The following DLC1 variants were observed in gnomAD, a reference collection of about 807,000 sequenced individuals.
DLC1 encodes the protein DLC1 Rho GTPase activating protein, also known as rho GTPase-activating protein 7.
In DLC1, 54 loss-of-function variants were observed where a neutral mutation model predicts 140.3. The observed-to-expected ratio is 0.38, with a 90% CI of 0.31 to 0.48. DLC1 has a LOEUF of 0.48. Ranked by LOEUF, DLC1 falls within the 20% of genes least tolerant of loss-of-function variation. The probability of loss-of-function intolerance (pLI) is 0.96; values close to 1 mark genes in which losing one functional copy is unlikely to be tolerated. For missense variants in DLC1, 2,536 were observed against 1,907.0 expected (o/e 1.33, Z -6.14); for synonymous variants, 986 against 728.1 (o/e 1.35, Z -5.70).
At chr8:13,412,489 C>G (rs1451690472) in intron 2 of DLC1, among the ~76,000 whole-genome samples, 3 of 151,964 alleles carry the variant, frequency 2.0e-5, no homozygotes, top group Non-Finnish European at 4.4e-5. Context: ...AGCCAAAGAA[C>G]TGGAAATAAC....
chr8:13,248,793 G>T (rs1586000904), intron 5 of DLC1, among the ~76,000 whole-genome samples: 1 of 152,018 alleles, frequency 6.6e-6, no homozygotes, highest in African/African-American at 2.4e-5. Flanking sequence ...CCATTCCCTG[G>T]TATCCTGGCT....
At chr8:13,537,743 T>C (rs1803335367) in intron 1 of DLC1, among the ~76,000 whole-genome samples, 1 of 135,856 alleles carries the variant, frequency 7.4e-6, no homozygotes, top group Non-Finnish European at 1.5e-5. Context: ...AAGCTCCGCC[T>C]CCCGGGTTCA....
intron 1 of DLC1, chr8:13,566,708 C>T (rs980297994): frequency 1.1e-4 from 44 of 414,466 alleles, no homozygotes; most frequent in African/African-American, 8.5e-4. Context: ...CAAAGAGAAG[C>T]AGGAGTGCAG....
At chr8:13,183,138 A>T (rs1826137731) in intron 5 of DLC1, among the ~76,000 whole-genome samples, 1 of 152,056 alleles carries the variant, frequency 6.6e-6, no homozygotes, top group Admixed American at 6.6e-5. Flanking sequence ...GTGTATAGGA[A>T]TGCTTGTGAT....
In DLC1 at chr8:13,092,511, G is replaced by T. The variant is rs1043298626; in HGVS notation, c.3740+101C>A. The T allele has an allele frequency of 3.0e-6, 4 of 1,321,998 alleles. No homozygotes were observed. In the African/African-American group the frequency reaches 5.8e-5, roughly 19 times the overall value. 81.9% of individuals were successfully genotyped at this position (1,321,998 alleles called of 1,614,324 possible). ...ACTAATATAGCGGTCTAACCTTCTTGCTTGTTTCAGGAAAGAGTCCCACAA... is the reference window on the plus strand; with the variant it reads ...ACTAATATAGCGGTCTAACCTTCTTTCTTGTTTCAGGAAAGAGTCCCACAA... On this transcript the variant is annotated intron_variant, in intron 13 of 17. Transcript: ENST00000276297.
chr8:13,455,760 C>T (rs147018614), intron 2 of DLC1, among the ~76,000 whole-genome samples: 34 of 152,244 alleles, frequency 2.2e-4, no homozygotes, highest in African/African-American at 8.2e-4. Flanking sequence ...CATGTAATCC[C>T]AGCACTTTGA....
At chr8:13,138,732 A>T (rs959312762) in intron 5 of DLC1, among the ~76,000 whole-genome samples, 5 of 152,180 alleles carry the variant, frequency 3.3e-5, no homozygotes, top group Non-Finnish European at 5.9e-5. Context: ...CGTGACCCCA[A>T]TCTGGGTTCT....
At chr8:13,177,319 C>G (rs1012956312) in intron 5 of DLC1, among the ~76,000 whole-genome samples, 1 of 152,072 alleles carries the variant, frequency 6.6e-6, no homozygotes, top group Non-Finnish European at 1.5e-5. Flanking sequence ...ATAGAAAAAG[C>G]TAGATATTAA....
intron 5 of DLC1, among the ~76,000 whole-genome samples, chr8:13,303,893 A>G (rs1832310834): frequency 6.6e-6 from 1 of 152,204 alleles, no homozygotes; most frequent in Admixed American, 6.5e-5. Flanking sequence ...AAGCCATTTA[A>G]CTGGAAGAGG....
intron 4 of DLC1, among the ~76,000 whole-genome samples, chr8:13,368,169 T>A (rs915108206): frequency 6.6e-6 from 1 of 152,180 alleles, no homozygotes; most frequent in Non-Finnish European, 1.5e-5. Context: ...TAATTGGGAA[T>A]TTTTAAACAG....
intron 10 of DLC1, 61 bp downstream of exon 10, chr8:13,098,338 T>G (rs753228545): frequency 6.3e-7 from 1 of 1,592,986 alleles, no homozygotes; most frequent in East Asian, 2.2e-5. Context: ...GGGGACAACC[T>G]CAAGGAACTG....
chr8:13,203,100 A>T (rs1033649238), intron 5 of DLC1, among the ~76,000 whole-genome samples: 1 of 152,190 alleles, frequency 6.6e-6, no homozygotes, highest in Non-Finnish European at 1.5e-5. Flanking sequence ...CTGAAAACTA[A>T]CCTTGCACAC....
intron 1 of DLC1, among the ~76,000 whole-genome samples, chr8:13,568,813 G>A (rs1022421265): frequency 6.6e-6 from 1 of 152,222 alleles, no homozygotes; most frequent in Non-Finnish European, 1.5e-5. Flanking sequence ...ATTTAGTCAT[G>A]TATTGGGCAC....
At chr8:13,453,379 T>C (rs1356033090) in intron 2 of DLC1, among the ~76,000 whole-genome samples, 1 of 127,260 alleles carries the variant, frequency 7.9e-6, no homozygotes, top group Non-Finnish European at 1.6e-5. Flanking sequence ...AAGAATAAGA[T>C]GGCCCAGGAT....
At chr8:13,304,851 A>G in intron 5 of DLC1, 1 of 985,428 alleles carries the variant, frequency 1.0e-6, no homozygotes, top group Non-Finnish European at 1.2e-6. Context: ...TCATCACTAT[A>G]TTTTTGATAG....
At chr8:13,272,957 G>T (rs1014267186) in intron 5 of DLC1, among the ~76,000 whole-genome samples, 1 of 152,194 alleles carries the variant, frequency 6.6e-6, no homozygotes, top group Non-Finnish European at 1.5e-5. Flanking sequence ...ATCCTTTTAT[G>T]TAATTCATTC....
rs191213982 is a variant in DLC1 at position 13,154,189 on chromosome 8, C to T, written c.1349-38532G>A. On this transcript the variant is annotated intron_variant, in intron 5 of 17. Transcript: ENST00000276297. ...CCAGCTGGCTTCCCCTAGTGGATCC[C>T]GTGCCAGGGCCGCACCAGGTGCTTG... Among the ~76,000 whole-genome samples, 53 of 152,326 alleles carry T rather than the reference C, an allele frequency of 3.5e-4. No individual in the cohort carries two copies. In the East Asian group the frequency reaches 9.3e-3, roughly 27 times the overall value.
chr8:13,113,520 C>T (rs1054225210), intron 6 of DLC1, among the ~76,000 whole-genome samples: 2 of 152,198 alleles, frequency 1.3e-5, no homozygotes, highest in African/African-American at 4.8e-5. Flanking sequence ...TCTTAGCAAA[C>T]ATATATATCA....
intron 2 of DLC1, among the ~76,000 whole-genome samples, chr8:13,462,238 A>C (rs1289327633): frequency 1.3e-5 from 2 of 152,144 alleles, no homozygotes; most frequent in African/African-American, 2.4e-5. Context: ...TTGAAAATTT[A>C]CCAATTTTTT....
Sources: gnomAD v4.1 joint callset for allele counts (sites outside exome capture counted in the v4.1 genomes callset) on GRCh38, gnomAD v4.1.1 for gene constraint, MANE v1.5 for transcripts, NCBI Gene and HGNC (gene_info 2026-07-23, HGNC 2026-07-21) for gene names.